TASP1: variants seen among roughly 807,000 people sequenced by gnomAD.
TASP1 encodes taspase 1, also known as threonine aspartase 1.
Under a neutral mutation model 56.6 loss-of-function variants are expected in TASP1, and 16 were observed. The ratio of observed to expected loss-of-function variants is 0.28; its 90% CI spans 0.19 to 0.43. TASP1 has a LOEUF of 0.43. Ranked by LOEUF, TASP1 falls within the 20% of genes least tolerant of loss-of-function variation. TASP1 has a pLI of 1.00. For missense variants in TASP1, 393 were observed against 511.6 expected, an observed-to-expected ratio of 0.77 and a Z score of 2.24; for synonymous variants, 179 against 184.2, an observed-to-expected ratio of 0.97 and a Z score of 0.23.
At chr20:13,305,385 G>C in the TASP1 span, among the ~76,000 whole-genome samples, 1 of 152,142 alleles carries the variant, frequency 6.6e-6, no homozygotes, top group African/African-American at 2.4e-5. Flanking sequence ...AATCAAGTGA[G>C]CAATAGTGAT....
At chr20:13,394,382 G>A (rs764926905) in intron 13 of TASP1, among the ~76,000 whole-genome samples, 27 of 150,994 alleles carry the variant, frequency 1.8e-4, no homozygotes, top group Admixed American at 4.6e-4. Context: ...AGGCCAAGGC[G>A]GGCGGATCAC....
chr20:13,254,058 TAAAAA>T, the TASP1 span, among the ~76,000 whole-genome samples: 1 of 116,208 alleles, frequency 8.6e-6, no homozygotes, highest in Non-Finnish European at 1.8e-5. Flanking sequence ...TCATCTCTAC[TAAAAA>T]AAAAAAAAAA....
the TASP1 span, among the ~76,000 whole-genome samples, chr20:13,311,324 A>G: frequency 6.9e-4 from 105 of 152,326 alleles, no homozygotes; most frequent in African/African-American, 2.5e-3. Flanking sequence ...GAACTCTTGT[A>G]CACTGCTGGT....
the TASP1 span, among the ~76,000 whole-genome samples, chr20:13,237,174 A>T: frequency 6.6e-6 from 1 of 152,182 alleles, no homozygotes; most frequent in Non-Finnish European, 1.5e-5. Flanking sequence ...ATACAATTCA[A>T]TTGAGATTTG....
At chr20:13,165,045 C>A in the TASP1 span, 7 of 547,200 alleles carry the variant, frequency 1.3e-5, no homozygotes, top group Non-Finnish European at 3.2e-6. Context: ...ACTGCAGAGA[C>A]AAAAACATGA....
chr20:13,463,692 G>T (rs2044143650), intron 11 of TASP1, among the ~76,000 whole-genome samples: 1 of 151,934 alleles, frequency 6.6e-6, no homozygotes, highest in African/African-American at 2.4e-5. Flanking sequence ...GTGGGCAAAG[G>T]ACTTCATACA....
At chr20:13,134,871 A>G in the TASP1 span, among the ~76,000 whole-genome samples, 1 of 152,206 alleles carries the variant, frequency 6.6e-6, no homozygotes, top group Non-Finnish European at 1.5e-5. Context: ...TCTGTGTTTA[A>G]ACCAAAACAT....
chr20:13,572,746 C>T (rs1355939064), intron 6 of TASP1, among the ~76,000 whole-genome samples: 1 of 150,838 alleles, frequency 6.6e-6, no homozygotes, highest in African/African-American at 2.4e-5. Flanking sequence ...GAGAAAACAC[C>T]CTGAAACGGA....
At chr20:13,221,691 C>T in the TASP1 span, 4 of 1,175,776 alleles carry the variant, frequency 3.4e-6, no homozygotes, top group African/African-American at 1.6e-5. Context: ...CTGCCGGGCT[C>T]CCGGGCTCCT....
chr20:13,597,908 A>G (rs1377075385), intron 4 of TASP1, among the ~76,000 whole-genome samples: 1 of 152,212 alleles, frequency 6.6e-6, no homozygotes, highest in Non-Finnish European at 1.5e-5. Context: ...AGAGAGCCAA[A>G]TCATGAGTGA....
chr20:13,281,764 G>A, the TASP1 span, among the ~76,000 whole-genome samples: 1 of 152,172 alleles, frequency 6.6e-6, no homozygotes, highest in Admixed American at 6.5e-5. Flanking sequence ...ACAGAGGACC[G>A]CTTGATGCCA....
At chr20:13,132,290 C>A in the TASP1 span, among the ~76,000 whole-genome samples, 21 of 150,124 alleles carry the variant, frequency 1.4e-4, no homozygotes, top group Non-Finnish European at 4.4e-5. Flanking sequence ...GACTCTTGTG[C>A]CTCAGCCTCC....
At chr20:13,358,414 T>C in the TASP1 span, among the ~76,000 whole-genome samples, 1 of 152,312 alleles carries the variant, frequency 6.6e-6, no homozygotes, top group African/African-American at 2.4e-5. Context: ...GTGAGAAAGA[T>C]CCACCTATGA....
chr20:13,179,406 C>CGTGTGCGTGTGTGT, the TASP1 span, among the ~76,000 whole-genome samples: 8 of 143,514 alleles, frequency 5.6e-5, no homozygotes, highest in Middle Eastern at 3.6e-3. Flanking sequence ...GAATTATGTG[C>CGTGTGCGTGTGTGT]GTGTGTGTGT....
chr20:13,128,792 G>A, the TASP1 span, among the ~76,000 whole-genome samples: 1 of 151,680 alleles, frequency 6.6e-6, no homozygotes, highest in African/African-American at 2.4e-5. Flanking sequence ...CCAGACTCAA[G>A]TGATTCTCCT....
chr20:13,176,139 G>T, the TASP1 span, among the ~76,000 whole-genome samples: 53 of 152,310 alleles, frequency 3.5e-4, no homozygotes, highest in Non-Finnish European at 6.5e-4. Context: ...GAAATAAGGA[G>T]ATAGGAAATA....
At chr20:13,229,092 CTTT>C in the TASP1 span, among the ~76,000 whole-genome samples, 1 of 151,616 alleles carries the variant, frequency 6.6e-6, no homozygotes. Flanking sequence ...CTTTTTCTTC[CTTT>C]TTTATCTTCC....
chr20:13,200,666 A>T, the TASP1 span, among the ~76,000 whole-genome samples: 2 of 152,246 alleles, frequency 1.3e-5, no homozygotes, highest in Admixed American at 1.3e-4. Flanking sequence ...AAATAAAACA[A>T]AATAAAATAA....
the TASP1 span, among the ~76,000 whole-genome samples, chr20:13,365,051 T>A: frequency 6.6e-6 from 1 of 152,246 alleles, no homozygotes; most frequent in Admixed American, 6.5e-5. Flanking sequence ...ATATAATTGA[T>A]GATGGAAAAT....
Sources: gnomAD v4.1 joint callset for allele counts (sites outside exome capture counted in the v4.1 genomes callset) on GRCh38, gnomAD v4.1.1 for gene constraint, MANE v1.5 for transcripts, NCBI Gene and HGNC (gene_info 2026-07-23, HGNC 2026-07-21) for gene names.